Variants in LAMA2 observed in about 807,000 individuals in gnomAD.
LAMA2 encodes laminin subunit alpha-2.
In LAMA2, 269 loss-of-function variants were observed where a neutral mutation model predicts 364.8. That is an observed-to-expected ratio of 0.74 (90% CI 0.67 to 0.82). The LOEUF (loss-of-function observed/expected upper bound fraction) is 0.82. Among genes scored for constraint, LAMA2 ranks in the 40% least tolerant of loss-of-function variants. LAMA2 has a pLI of 0.00. For synonymous variants in LAMA2, 1,379 were observed against 1,370.6 expected (o/e 1.01, Z -0.14); for missense variants, 3,807 against 3,873.2 (o/e 0.98, Z 0.45).
At chr6:129,498,984 T>TTCCC (rs1355932540) in intron 58 of LAMA2, among the ~76,000 whole-genome samples, 1 of 152,172 alleles carries the variant, frequency 6.6e-6, no homozygotes, top group African/African-American at 2.4e-5. Flanking sequence ...CACTATCTAC[T>TTCCC]TCCCTAAACA....
chr6:128,976,308 T>C (rs1689494162), intron 1 of LAMA2, among the ~76,000 whole-genome samples: 1 of 152,188 alleles, frequency 6.6e-6, no homozygotes, highest in Admixed American at 6.5e-5. Flanking sequence ...TGTTTTGTTT[T>C]TTCCAGTTCC....
chr6:128,915,242 T>G (rs1385832732), intron 1 of LAMA2, among the ~76,000 whole-genome samples: 1 of 152,204 alleles, frequency 6.6e-6, no homozygotes, highest in Non-Finnish European at 1.5e-5. Context: ...CACTCAGACA[T>G]TGACATAAAC....
chr6:129,141,375 C>T lies in LAMA2; in HGVS notation c.640-2526C>T, dbSNP rs142915139. ...GATCTTGAGGAATATACAAGATCTG[C>T]TTCACTCTTTTAGAATCCCTGCATT... is the stretch of plus-strand genomic sequence containing the variant. On this transcript the variant is annotated intron_variant, in intron 4 of 64. Transcript: ENST00000421865. Among the ~76,000 whole-genome samples the T allele has an allele frequency of 7.4e-3, 1,125 of 152,130 alleles. 4 individuals carry two copies. The highest frequency in any genetic ancestry group is 0.017 in the Middle Eastern group (5 of 294).
chr6:129,173,009 C>T (rs1313017325), intron 9 of LAMA2, among the ~76,000 whole-genome samples: 1 of 152,250 alleles, frequency 6.6e-6, no homozygotes, highest in Admixed American at 6.5e-5. Flanking sequence ...CCAAGTGAGG[C>T]AATGCCTCGC....
chr6:129,186,027 C>G (rs929292272), intron 10 of LAMA2, among the ~76,000 whole-genome samples: 4 of 151,562 alleles, frequency 2.6e-5, no homozygotes, highest in Non-Finnish European at 4.4e-5. Flanking sequence ...AAAAGAATCA[C>G]TAATGGACTC....
intron 1 of LAMA2, among the ~76,000 whole-genome samples, chr6:128,959,661 C>G (rs544182566): frequency 6.6e-6 from 1 of 152,082 alleles, no homozygotes. Context: ...CCCAATGAGC[C>G]GCCTCTTGTC....
At chr6:129,371,215 T>C (rs1408704582) in intron 34 of LAMA2, among the ~76,000 whole-genome samples, 3 of 151,458 alleles carry the variant, frequency 2.0e-5, no homozygotes, top group East Asian at 3.9e-4. Flanking sequence ...AAAATATGAA[T>C]GAGGCTCAAT....
rs186139291 is a variant in LAMA2, at chr6:129,195,608, G to T, written c.1782+2755G>T. Among the ~76,000 whole-genome samples, 19 of 152,212 alleles carry T rather than the reference G, an allele frequency of 1.2e-4. No homozygotes were observed. In the East Asian group the frequency reaches 3.5e-3, roughly 28 times the overall value. ...TACCAGTGAATATTTGGCACAACTG[G>T]CAGAATCAAGTGTTAATTTTCCCGC... On this transcript the variant is annotated intron_variant, in intron 12 of 64. Coordinates refer to ENST00000421865, the MANE Select transcript of LAMA2 (RefSeq NM_000426.4).
intron 22 of LAMA2, among the ~76,000 whole-genome samples, chr6:129,301,945 C>T (rs533157002): frequency 6.6e-6 from 1 of 152,014 alleles, no homozygotes; most frequent in Non-Finnish European, 1.5e-5. Flanking sequence ...CTTGGTGTTA[C>T]GTTTTTGTAA....
At chr6:129,201,667 A>C (rs1782295574) in intron 12 of LAMA2, among the ~76,000 whole-genome samples, 1 of 152,144 alleles carries the variant, frequency 6.6e-6, no homozygotes, top group African/African-American at 2.4e-5. Context: ...AAAGTCCAAT[A>C]CTATTTAATT....
At chr6:129,291,809 T>G (rs568187811) in intron 20 of LAMA2, 89 bp downstream of exon 20, 1 of 860,718 alleles carries the variant, frequency 1.2e-6, no homozygotes, top group South Asian at 1.4e-5. Flanking sequence ...CTTCGTATAT[T>G]AAAAGGAAGG....
intron 34 of LAMA2, among the ~76,000 whole-genome samples, chr6:129,379,232 G>A (rs1332547914): frequency 6.6e-6 from 1 of 152,062 alleles, no homozygotes; most frequent in Non-Finnish European, 1.5e-5. Context: ...AGGATGAGAG[G>A]ATGGAGAGGA....
intron 1 of LAMA2, among the ~76,000 whole-genome samples, chr6:129,047,787 C>T (rs867761221): frequency 6.6e-6 from 1 of 152,128 alleles, no homozygotes; most frequent in Non-Finnish European, 1.5e-5. Flanking sequence ...ATAGTCAATA[C>T]ATACTCTAAT....
chr6:129,197,313 C>T (rs902424310), intron 12 of LAMA2, among the ~76,000 whole-genome samples: 2 of 152,168 alleles, frequency 1.3e-5, no homozygotes, highest in Non-Finnish European at 2.9e-5. Flanking sequence ...CACCATCAGC[C>T]TGCTACTTTA....
intron 3 of LAMA2, among the ~76,000 whole-genome samples, chr6:129,076,409 T>C (rs1437076224): frequency 3.4e-5 from 5 of 145,586 alleles, no homozygotes; most frequent in African/African-American, 1.3e-4. Context: ...TAAATTGTAA[T>C]GAGTATATGT....
chr6:128,911,453 C>T (rs1777942726), intron 1 of LAMA2, among the ~76,000 whole-genome samples: 1 of 152,182 alleles, frequency 6.6e-6, no homozygotes, highest in Non-Finnish European at 1.5e-5. Flanking sequence ...CTCCCTGACC[C>T]CTTGCGCTTC....
chr6:129,251,579 T>C (rs537384873), intron 13 of LAMA2, among the ~76,000 whole-genome samples: 3 of 152,288 alleles, frequency 2.0e-5, no homozygotes, highest in African/African-American at 7.2e-5. Flanking sequence ...TGCATTGCCT[T>C]CCCTTCATGT....
At chr6:128,994,401 C>G (rs570978983) in intron 1 of LAMA2, among the ~76,000 whole-genome samples, 2 of 152,266 alleles carry the variant, frequency 1.3e-5, no homozygotes, top group African/African-American at 4.8e-5. Context: ...TGTGGGAATG[C>G]TAATGGGATA....
intron 6 of LAMA2, among the ~76,000 whole-genome samples, chr6:129,147,853 C>G (rs1160468516): frequency 6.6e-6 from 1 of 152,050 alleles, no homozygotes; most frequent in Non-Finnish European, 1.5e-5. Flanking sequence ...TTAAAGTACA[C>G]TAACATATTT....
Sources: allele counts gnomAD v4.1 joint callset (sites outside exome capture counted in the v4.1 genomes callset), GRCh38; gene constraint gnomAD v4.1.1; transcripts MANE v1.5; gene names NCBI Gene and HGNC (gene_info 2026-07-23, HGNC 2026-07-21).